The following SCAF1 variants were observed in gnomAD, a reference collection of about 807,000 sequenced individuals.
The protein encoded by SCAF1 is SR-related CTD associated factor 1.
In SCAF1, 28 loss-of-function variants were observed where a neutral mutation model predicts 91.2. The observed-to-expected ratio is 0.31, with a 90% confidence interval of 0.23 to 0.42. The LOEUF (loss-of-function observed/expected upper bound fraction) is 0.42, where lower values mean the gene tolerates loss of function less well. Ranked by LOEUF, SCAF1 falls within the 10% of genes least tolerant of loss-of-function variation. The pLI is 1.00. For synonymous variants in SCAF1, 1,036 were observed against 833.7 expected (o/e 1.24, Z -4.18); for missense variants, 1,893 against 1,872.1 (o/e 1.01, Z -0.21).
upstream of SCAF1, among the ~76,000 whole-genome samples, chr19:49,641,859 G>A (rs2081027833): frequency 6.6e-6 from 1 of 152,248 alleles, no homozygotes; most frequent in Non-Finnish European, 1.5e-5. Flanking sequence ...CCTTGCGTCT[G>A]TTCTGCCTGG....
rs1162836094 is a variant in SCAF1, at chr19:49,652,779, C to A, written c.2390C>A (p.Pro797His). The A allele has an allele frequency of 6.2e-7, 1 of 1,613,352 alleles. No individual in the cohort carries two copies. The highest frequency in any genetic ancestry group is 8.5e-7 in the Non-Finnish European group (1 of 1,179,808). ...DRDRSSKKAR[P>H]PKESAPSSGP... ...GACAGGTCATCCAAGAAGGCCCGGC[C>A]CCCCAAGGAGTCGGCGCCTTCCTCA... Residue 797 changes from proline (P) to histidine (H), a missense_variant, in exon 7 of 11, where the codon CCC (proline) becomes CAC (histidine). By Grantham distance (77) the Pro-to-His change is moderately conservative. Coordinates refer to ENST00000360565, the MANE Select transcript of SCAF1 (RefSeq NM_021228.3).
chr19:49,644,250 C>T (rs190738270), intron 1 of SCAF1, among the ~76,000 whole-genome samples: 1 of 152,172 alleles, frequency 6.6e-6, no homozygotes, highest in East Asian at 1.9e-4. Flanking sequence ...TTTCTGAAGC[C>T]CTAATCAAGA....
At chr19:49,654,142 C>T (rs1211947954) in intron 7 of SCAF1, among the ~76,000 whole-genome samples, 1 of 152,186 alleles carries the variant, frequency 6.6e-6, no homozygotes, top group East Asian at 1.9e-4. Context: ...CAACCCCGCA[C>T]CCACACACCT....
chr19:49,651,440 C>A lies in SCAF1; in HGVS notation c.1051C>A (p.Arg351=). The A allele has an allele frequency of 6.3e-7, 1 of 1,595,044 alleles. No individual in the cohort carries two copies. Among genetic ancestry groups the A allele is most frequent in the Non-Finnish European group, 8.5e-7 (1 of 1,171,336 alleles). ...CCGGGCTGATGGAGCCATGCGCCGGCGGGTCTTCGTGGTGGGGACCGAGGC... is the reference window on the plus strand; with the variant it reads ...CCGGGCTGATGGAGCCATGCGCCGGAGGGTCTTCGTGGTGGGGACCGAGGC... The part of the protein sequence containing the change: ...STRADGAMRR[R]VFVVGTEAEA... Residue 351 remains arginine (R), a synonymous_variant, in exon 7 of 11, where the codon CGG becomes AGG. Coordinates refer to ENST00000360565, the MANE Select transcript of SCAF1 (RefSeq NM_021228.3).
Position 49,652,119 on chromosome 19 carries a change from GCTCCCGCTC to G in SCAF1, c.1732_1740del (p.Ser578_Ser580del). 1 of 1,119,244 alleles carries G rather than the reference GCTCCCGCTC, an allele frequency of 8.9e-7. No individual in the cohort carries two copies. Among genetic ancestry groups the G allele is most frequent in the Non-Finnish European group, 1.1e-6 (1 of 909,058 alleles). 69.3% of individuals were successfully genotyped at this position (1,119,244 alleles called of 1,614,324 possible). On this transcript the variant is annotated inframe_deletion, in exon 7 of 11. Coordinates refer to ENST00000360565, the MANE Select transcript of SCAF1 (RefSeq NM_021228.3). ...TCCGCCCGCCGCCGCTCCCGCTCCC[GCTCCCGCTC>G]CCGCTCCACCCGCCGCCGCTCGCGC... is the stretch of plus-strand genomic sequence containing the variant.
intron 9 of SCAF1, 43 bp downstream of exon 9, chr19:49,654,913 G>C (rs957586483): frequency 3.5e-6 from 5 of 1,434,148 alleles, no homozygotes; most frequent in Non-Finnish European, 2.8e-6. Context: ...TGACAGTTCT[G>C]TAGAGAATAT....
chr19:49,652,374 C>G lies in SCAF1; in HGVS notation c.1985C>G (p.Ala662Gly). ...CGGTCTGGGGATGGCAGCGAGAAGGCCCCGGCGCCCGCCCCGCCGCCCTCT... is the reference window on the plus strand; with the variant it reads ...CGGTCTGGGGATGGCAGCGAGAAGGGCCCGGCGCCCGCCCCGCCGCCCTCT... Reference protein sequence around the residue: ...EKRSGDGSEKAPAPAPPPSGS... With the variant: ...EKRSGDGSEKGPAPAPPPSGS... The change falls in exon 7 of 11, where the codon GCC becomes GGC. Residue 662 changes from alanine (A) to glycine (G), a missense_variant. Coordinates refer to ENST00000360565, the MANE Select transcript of SCAF1 (RefSeq NM_021228.3). 1.3e-6 allele frequency: 2 copies of G among 1,542,454 alleles called. No individual in the cohort carries two copies. Among genetic ancestry groups the G allele is most frequent in the Non-Finnish European group, 1.7e-6 (2 of 1,147,458 alleles).
At position 49,645,174 on chromosome 19, in the gene SCAF1, C is replaced by A; in HGVS notation, c.108+40C>A. The A allele has an allele frequency of 6.3e-7, 1 of 1,579,420 alleles. No individual in the cohort carries two copies. Among genetic ancestry groups the A allele is most frequent in the Non-Finnish European group, 8.7e-7 (1 of 1,149,648 alleles). ...CTCCTGGCACTGAGGGATGGAGGAG[C>A]TGGGCATCCACACTCCAGGGGCCTG... On this transcript the variant is annotated intron_variant, in intron 2 of 10. Transcript: ENST00000360565. The surrounding 1 kb of genome is among the most constrained non-coding windows in gnomAD (Gnocchi z 4.6).
rs558849910 is a variant in SCAF1 at position 49,654,428 on chromosome 19, C to T, written c.3396C>T (p.Asn1132=). ...CCCAGGAGCTGATCCAGGCCACCAA[C>T]CAGGTGGGCTCCCCTGGGGGAGAGT... ...AKAQELIQAT[N]QILSHRKPPS... is the part of the protein sequence containing the mutation. Residue 1132 remains asparagine, a synonymous_variant, in exon 8 of 11, where the codon AAC becomes AAT. Coordinates refer to ENST00000360565, the MANE Select transcript of SCAF1 (RefSeq NM_021228.3). The T allele has an allele frequency of 5.0e-6, 8 of 1,612,910 alleles. No individual in the cohort carries two copies. The highest frequency in any genetic ancestry group is 6.8e-6 in the Non-Finnish European group (8 of 1,179,530).
In SCAF1 at chr19:49,652,710, A is replaced by G. The variant is rs1222444251; in HGVS notation, c.2321A>G (p.Asp774Gly). The change falls in exon 7 of 11, where the codon GAC becomes GGC. Residue 774 changes from aspartate (D) to glycine (G), a missense_variant. By Grantham distance (94) the Asp-to-Gly change is moderately conservative (BLOSUM62 -1). Around this residue, in one of 5 missense-constraint regions of SCAF1, gnomAD observed 1,436 missense variants for 1,306.8 expected, o/e 1.10. Transcript: ENST00000360565. ...REKGSRRKAL[D>G]GGDRDRDRDR... ...AAGGGGTCTCGTCGGAAGGCGCTGG[A>G]CGGGGGTGACCGGGATCGGGACAGG... The G allele has an allele frequency of 1.9e-6, 3 of 1,586,468 alleles. No individual in the cohort carries two copies. Among genetic ancestry groups the G allele is most frequent in the Admixed American group, 3.6e-5 (2 of 55,494 alleles).
Position 49,651,937 on chromosome 19 carries a change from CAAG to C in SCAF1, c.1552_1554del (p.Lys518del), listed in dbSNP as rs1445961878. The C allele has an allele frequency of 8.4e-7, 1 of 1,187,636 alleles. No individual in the cohort carries two copies. Among genetic ancestry groups the C allele is most frequent in the Non-Finnish European group, 1.1e-6 (1 of 950,972 alleles). 73.6% of individuals were successfully genotyped at this position (1,187,636 alleles called of 1,614,324 possible). ...CCGCCGCTGCTGGTCCGCCCACGCG[CAAG>C]AAGTCCAGGCGGGAACGCAAGCGCA... On this transcript the variant is annotated inframe_deletion, in exon 7 of 11. Coordinates refer to ENST00000360565, the MANE Select transcript of SCAF1 (RefSeq NM_021228.3).
chr19:49,651,275 C>T lies in SCAF1; in HGVS notation c.886C>T (p.Arg296Cys), dbSNP rs1366254254. Residue 296 changes from arginine (R) to cysteine (C), a missense_variant, in exon 7 of 11, where the codon CGC becomes TGC. Transcript: ENST00000360565. ...EEEGLSQSIS[R>C]ISETLAGIYD... The stretch of plus-strand genomic sequence containing the variant: ...GGAAGGCCTGTCCCAGAGCATCAGC[C>T]GCATCTCGGAGACCCTGGCGGGCAT... The T allele has an allele frequency of 6.2e-7, 1 of 1,611,696 alleles. No individual in the cohort carries two copies. Among genetic ancestry groups the T allele is most frequent in the Admixed American group, 1.7e-5 (1 of 59,966 alleles).
In SCAF1 at chr19:49,650,942, G is replaced by GCC; in HGVS notation, c.556_557dup (p.Pro187HisfsTer125). 2 of 1,583,810 alleles carry GCC rather than the reference G, an allele frequency of 1.3e-6. No individual in the cohort carries two copies. Among genetic ancestry groups the GCC allele is most frequent in the Admixed American group, 1.7e-5 (1 of 57,908 alleles). The stretch of plus-strand genomic sequence containing the variant: ...CTTGGGCACGGGAGACGGGGGCCCT[G>GCC]CCCCACCCCCTGCCCCCTCCTCTGC... On this transcript the variant is annotated frameshift_variant, in exon 7 of 11. Transcript: ENST00000360565. LOFTEE classifies it high-confidence loss of function.
Position 49,652,230 on chromosome 19 carries a change from C to T in SCAF1, c.1841C>T (p.Ser614Phe), listed in dbSNP as rs1392776798. The change falls in exon 7 of 11, where the codon TCC (serine) becomes TTC (phenylalanine). Residue 614 changes from serine to phenylalanine, a missense_variant. Ser to Phe is a radical substitution (Grantham distance 155). Around this residue, in one of 5 missense-constraint regions of SCAF1, gnomAD observed 1,436 missense variants for 1,306.8 expected, o/e 1.10. Transcript: ENST00000360565. ...CGGCGACGGCGGCGGCGCTCCGCCT[C>T]CCCGCCCCCGGCCACTTCCTCATCG... ...EKRRRRRRSASPPPATSSSSS... is the reference protein window; with the variant it reads ...EKRRRRRRSAFPPPATSSSSS... 1 of 1,365,628 alleles carries T rather than the reference C, an allele frequency of 7.3e-7. No homozygotes were observed. Among genetic ancestry groups the T allele is most frequent in the Non-Finnish European group, 9.4e-7 (1 of 1,063,180 alleles). 84.6% of individuals were successfully genotyped at this position (1,365,628 alleles called of 1,614,324 possible). A position where few individuals can be genotyped will look rare whatever the true frequency, so the allele number is the denominator to read the frequency against.
At chr19:49,657,167 CAAA>C (rs746193819) in intron 9 of SCAF1, among the ~76,000 whole-genome samples, 53 of 152,098 alleles carry the variant, frequency 3.5e-4, no homozygotes, top group Admixed American at 6.5e-4. Flanking sequence ...AACAAAGAAA[CAAA>C]AAAGGAGCCA....
intron 1 of SCAF1, among the ~76,000 whole-genome samples, chr19:49,643,982 C>T (rs1025578479): frequency 4.6e-5 from 7 of 152,048 alleles, no homozygotes; most frequent in Non-Finnish European, 7.4e-5. Context: ...GAAACCTGGG[C>T]GTTAAGGGCT....
rs1383096529 is a variant in SCAF1, at chr19:49,645,832, G to A, written c.167-276G>A. Among the ~76,000 whole-genome samples, 1 of 152,150 alleles carries A rather than the reference G, an allele frequency of 6.6e-6. No individual in the cohort carries two copies. The highest frequency in any genetic ancestry group is 1.5e-5 in the Non-Finnish European group (1 of 68,010). ...ATGCAGGAGGGTGTGAGTGGGGTTG[G>A]GGGAGGCAGGAGAGGTCTGTGGGGA... On this transcript the variant is annotated intron_variant, in intron 3 of 10. Transcript: ENST00000360565. The surrounding 1 kb of genome is among the most constrained non-coding windows in gnomAD (Gnocchi z 4.6).
chr19:49,651,008 T>TCCC lies in SCAF1; in HGVS notation c.621_623dup (p.Pro215dup). The TCCC allele has an allele frequency of 1.7e-6, 1 of 583,740 alleles. No homozygotes were observed. Among genetic ancestry groups the TCCC allele is most frequent in the African/African-American group, 2.6e-5 (1 of 38,462 alleles). 36.2% of individuals were successfully genotyped at this position (583,740 alleles called of 1,614,324 possible). A position where few individuals can be genotyped will look rare whatever the true frequency, so the allele number is the denominator to read the frequency against. On this transcript the variant is annotated inframe_insertion, in exon 7 of 11. Coordinates refer to ENST00000360565, the MANE Select transcript of SCAF1 (RefSeq NM_021228.3). Reference sequence around the variant, plus strand: ...CCCTTCTCCCTCATCTTCCTCCCCTTCCCCTCCCCCACCCCCACCGCCCCC... The same window carrying TCCC: ...CCCTTCTCCCTCATCTTCCTCCCCTTCCCCCCCTCCCCCACCCCCACCGCCCCC...
At chr19:49,653,744 G>A in intron 7 of SCAF1, 39 bp downstream of exon 7, 2 of 1,470,858 alleles carry the variant, frequency 1.4e-6, no homozygotes, top group Non-Finnish European at 1.8e-6. Context: ...TGGGGCAGGT[G>A]AGACAGGATG....
Sources: gnomAD v4.1 joint callset for allele counts (sites outside exome capture counted in the v4.1 genomes callset) on GRCh38, gnomAD v4.1.1 for gene constraint, gnomAD v4.1.1 regional missense constraint, Gnocchi (gnomAD v3.1) non-coding constraint, MANE v1.5 for transcripts, NCBI Gene and HGNC (gene_info 2026-07-23, HGNC 2026-07-21) for gene names.